The following LMLN variants were observed in gnomAD, a reference collection of about 807,000 sequenced individuals.
LMLN encodes leishmanolysin like peptidase.
A neutral mutation model predicts 92.3 loss-of-function variants in LMLN; 70 were observed. The ratio of observed to expected loss-of-function variants is 0.76; its 90% CI spans 0.63 to 0.92. The LOEUF is 0.92. Among genes scored for constraint, LMLN ranks in the 40% least tolerant of loss-of-function variants. LMLN has a pLI of 0.00. For missense variants in LMLN, 691 were observed against 814.6 expected, an observed-to-expected ratio of 0.85 and a Z score of 1.85; for synonymous variants, 308 against 296.2, an observed-to-expected ratio of 1.04 and a Z score of -0.41.
intron 14 of LMLN, among the ~76,000 whole-genome samples, chr3:198,032,339 C>T (rs148252083): frequency 9.2e-5 from 14 of 152,234 alleles, no homozygotes; most frequent in African/African-American, 3.1e-4. Flanking sequence ...CTGTAAACTT[C>T]GAGTCCTTAT....
intron 8 of LMLN, among the ~76,000 whole-genome samples, chr3:197,986,563 CTG>C (rs1167482210): frequency 2.0e-5 from 3 of 152,160 alleles, no homozygotes; most frequent in African/African-American, 7.2e-5. Flanking sequence ...TTTGGGGAAA[CTG>C]TTAATCTTGA....
intron 1 of LMLN, among the ~76,000 whole-genome samples, chr3:197,973,797 C>T (rs1721295443): frequency 6.6e-6 from 1 of 152,122 alleles, no homozygotes; most frequent in Non-Finnish European, 1.5e-5. Flanking sequence ...TTGTCCATTG[C>T]TGGAATTATA....
chr3:197,993,916 T>G (rs150904502), intron 9 of LMLN, among the ~76,000 whole-genome samples: 1,828 of 152,212 alleles, frequency 0.012, 15 homozygotes, highest in Non-Finnish European at 0.017. Context: ...ATAGGCACAT[T>G]GATGAATGGA....
At chr3:197,991,698 A>C (rs541449928) in intron 9 of LMLN, among the ~76,000 whole-genome samples, 76 of 152,156 alleles carry the variant, frequency 5.0e-4, no homozygotes, top group African/African-American at 1.6e-3. Context: ...ATCTGGGCCA[A>C]ATATTTGGGT....
intron 15 of LMLN, among the ~76,000 whole-genome samples, chr3:198,037,038 G>A (rs1437523151): frequency 6.6e-6 from 1 of 152,184 alleles, no homozygotes; most frequent in Non-Finnish European, 1.5e-5. Context: ...TCCCCTAGGG[G>A]CTGTAGGCAG....
chr3:198,020,662 C>T (rs995231026), intron 12 of LMLN, among the ~76,000 whole-genome samples: 8 of 151,254 alleles, frequency 5.3e-5, no homozygotes, highest in East Asian at 3.9e-4. Flanking sequence ...GGTGCAATCT[C>T]GGCTCACTTC....
chr3:197,964,601 G>T (rs1364891305), intron 1 of LMLN, among the ~76,000 whole-genome samples: 1 of 151,806 alleles, frequency 6.6e-6, no homozygotes, highest in African/African-American at 2.4e-5. Context: ...GTTTCACCAT[G>T]TTGGCCAGGA....
At chr3:197,977,146 A>G (rs1307092246) in intron 5 of LMLN, among the ~76,000 whole-genome samples, 1 of 152,228 alleles carries the variant, frequency 6.6e-6, no homozygotes, top group Non-Finnish European at 1.5e-5. Flanking sequence ...CAAAACTATA[A>G]ATATGCCTAT....
chr3:198,016,073 T>C (rs999028731), intron 11 of LMLN, among the ~76,000 whole-genome samples: 3 of 151,134 alleles, frequency 2.0e-5, no homozygotes, highest in African/African-American at 7.3e-5. Flanking sequence ...GGCCCTGTAG[T>C]CCCAGCTACT....
chr3:198,002,621 C>T (rs1722205942), intron 11 of LMLN, among the ~76,000 whole-genome samples: 1 of 152,130 alleles, frequency 6.6e-6, no homozygotes, highest in African/African-American at 2.4e-5. Context: ...GCCTGTAGTC[C>T]CAGCTAGTTG....
chr3:197,970,916 C>G (rs539832497), intron 1 of LMLN, among the ~76,000 whole-genome samples: 5 of 152,186 alleles, frequency 3.3e-5, no homozygotes, highest in African/African-American at 7.2e-5. Flanking sequence ...TCCATTCCCA[C>G]GAATAACTTC....
At chr3:198,039,062 A>G (rs976756002) in exon 16 of LMLN, 2 of 184,264 alleles carry the variant, frequency 1.1e-5, no homozygotes, top group Middle Eastern at 2.4e-3. Context: ...CAACCCAACC[A>G]CTTTCATCAG....
chr3:198,011,631 A>G (rs1411876782), intron 11 of LMLN, among the ~76,000 whole-genome samples: 6 of 151,370 alleles, frequency 4.0e-5, no homozygotes, highest in Admixed American at 1.3e-4. Context: ...TCCTTTGGGT[A>G]TATACCCAGT....
exon 16 of LMLN, chr3:198,039,633 A>G (rs1723343407): frequency 7.2e-6 from 1 of 139,008 alleles, no homozygotes; most frequent in South Asian, 2.2e-4. Flanking sequence ...GGTATATAGT[A>G]AACTTAATTC....
chr3:197,961,835 A>C (rs529999728), intron 1 of LMLN, among the ~76,000 whole-genome samples: 8 of 152,286 alleles, frequency 5.3e-5, no homozygotes, highest in African/African-American at 1.9e-4. Flanking sequence ...AAAGCCTGTA[A>C]GTTTTGTTTT....
At chr3:198,005,621 C>CTTTTCT (rs1194014921) in intron 11 of LMLN, among the ~76,000 whole-genome samples, 2 of 150,362 alleles carry the variant, frequency 1.3e-5, no homozygotes, top group African/African-American at 2.4e-5. Context: ...CTGAATTTTT[C>CTTTTCT]TTTTCTTTTT....
chr3:197,991,623 T>C (rs1161538118), intron 9 of LMLN, among the ~76,000 whole-genome samples: 1 of 152,088 alleles, frequency 6.6e-6, no homozygotes, highest in Non-Finnish European at 1.5e-5. Flanking sequence ...GATCTTTACT[T>C]CAGAGTCCAC....
intron 15 of LMLN, among the ~76,000 whole-genome samples, chr3:198,038,028 A>C (rs924277539): frequency 1.3e-5 from 2 of 148,258 alleles, no homozygotes; most frequent in Non-Finnish European, 3.0e-5. Flanking sequence ...TTGCCTCCTC[A>C]CAGTCTGTCT....
intron 14 of LMLN, among the ~76,000 whole-genome samples, chr3:198,030,938 C>G (rs762904670): frequency 3.4e-5 from 5 of 147,674 alleles, no homozygotes; most frequent in Non-Finnish European, 5.9e-5. Flanking sequence ...CTGCTGACAG[C>G]GTGGGAAGGC....
Sources: gnomAD v4.1 joint callset for allele counts (sites outside exome capture counted in the v4.1 genomes callset) on GRCh38, gnomAD v4.1.1 for gene constraint, MANE v1.5 for transcripts, NCBI Gene and HGNC (gene_info 2026-07-23, HGNC 2026-07-21) for gene names.